Variants in LUZP2 observed in about 807,000 individuals in gnomAD.
LUZP2 encodes the protein leucine zipper protein 2.
Under a neutral mutation model 51.6 loss-of-function variants are expected in LUZP2, and 52 were observed. The ratio of observed to expected loss-of-function variants is 1.01; its 90% CI spans 0.81 to 1.27. The LOEUF (loss-of-function observed/expected upper bound fraction) is 1.27. LUZP2 is among the 50% of genes most tolerant of loss of function. LUZP2 has a pLI of 0.00. For synonymous variants in LUZP2, 154 were observed against 137.3 expected (o/e 1.12, Z -0.85); for missense variants, 436 against 395.4 (o/e 1.10, Z -0.87).
chr11:24,634,970 G>A (rs1855031567), intron 1 of LUZP2, among the ~76,000 whole-genome samples: 1 of 152,026 alleles, frequency 6.6e-6, no homozygotes, highest in African/African-American at 2.4e-5. Flanking sequence ...TCTCTCATTT[G>A]ATCTCTGTTA....
chr11:24,513,878 G>A (rs1850385926), intron 1 of LUZP2, among the ~76,000 whole-genome samples: 1 of 152,224 alleles, frequency 6.6e-6, no homozygotes, highest in Non-Finnish European at 1.5e-5. Flanking sequence ...AAAGTTGACA[G>A]GCTGGGAAAA....
intron 3 of LUZP2, among the ~76,000 whole-genome samples, chr11:24,735,624 G>A (rs1858908499): frequency 6.6e-6 from 1 of 151,930 alleles, no homozygotes; most frequent in Non-Finnish European, 1.5e-5. Flanking sequence ...ATGCCTTTTT[G>A]TAGAGTGATT....
chr11:24,510,376 AT>A (rs766955178), intron 1 of LUZP2, among the ~76,000 whole-genome samples: 19 of 152,178 alleles, frequency 1.2e-4, no homozygotes, highest in Non-Finnish European at 2.2e-4. Context: ...TTGGTTCTAT[AT>A]TGTCTTGGGT....
At chr11:25,030,416 C>T (rs2133988818) in intron 9 of LUZP2, among the ~76,000 whole-genome samples, 1 of 152,192 alleles carries the variant, frequency 6.6e-6, no homozygotes, top group Middle Eastern at 3.4e-3. Flanking sequence ...CATATCTCTA[C>T]AAACATAGCC....
chr11:24,887,221 T>A (rs1215180069), intron 5 of LUZP2, among the ~76,000 whole-genome samples: 1 of 151,796 alleles, frequency 6.6e-6, no homozygotes, highest in Non-Finnish European at 1.5e-5. Context: ...TGTTTTGTTT[T>A]CAGATGGAAG....
intron 5 of LUZP2, among the ~76,000 whole-genome samples, chr11:24,775,837 T>A (rs1244726200): frequency 6.6e-6 from 1 of 152,190 alleles, no homozygotes; most frequent in Non-Finnish European, 1.5e-5. Flanking sequence ...CTTATGCCTT[T>A]GGTAAATATT....
intron 4 of LUZP2, among the ~76,000 whole-genome samples, chr11:24,752,278 T>G (rs1399902514): frequency 6.6e-6 from 1 of 152,188 alleles, no homozygotes; most frequent in Non-Finnish European, 1.5e-5. Context: ...ATCAGATAGA[T>G]ATCAGACTTC....
At chr11:24,779,218 C>A (rs559548625) in intron 5 of LUZP2, among the ~76,000 whole-genome samples, 64 of 152,164 alleles carry the variant, frequency 4.2e-4, no homozygotes, top group Non-Finnish European at 8.2e-4. Context: ...TTATTTCTAG[C>A]AAATATGCAC....
chr11:24,558,052 G>A (rs12797112), intron 1 of LUZP2, among the ~76,000 whole-genome samples: 28,638 of 151,968 alleles, frequency 0.19, 3,362 homozygotes, highest in Middle Eastern at 0.34. Flanking sequence ...CAAACAGCTG[G>A]GAGTCAAGAG....
At position 24,692,403 on chromosome 11, in the gene LUZP2, C is replaced by T. The variant is rs904244260; in HGVS notation, c.63-36766C>T. On this transcript the variant is annotated intron_variant, in intron 1 of 11. Coordinates refer to ENST00000336930, the MANE Select transcript of LUZP2 (RefSeq NM_001009909.4). ...GTAAAAACAAGGAAAGTAGTAAAGG[C>T]TATTCTAAGAATATACGGTCTTTTT... 4.5e-4 allele frequency among the ~76,000 whole-genome samples: 68 copies of T among 152,004 alleles called. 1 individual carries two copies. The highest frequency in any genetic ancestry group is 1.9e-4 in the Non-Finnish European group (13 of 67,940).
At chr11:24,615,993 T>C (rs1452238413) in intron 1 of LUZP2, among the ~76,000 whole-genome samples, 1 of 151,750 alleles carries the variant, frequency 6.6e-6, no homozygotes, top group East Asian at 1.9e-4. Flanking sequence ...CTTTCTTCTG[T>C]GCATTTCCTA....
At chr11:24,832,660 T>C (rs60080477) in intron 5 of LUZP2, among the ~76,000 whole-genome samples, 24,586 of 151,606 alleles carry the variant, frequency 0.16, 2,055 homozygotes, top group South Asian at 0.22. Context: ...ATTTTATATA[T>C]ACATATATAT....
intron 2 of LUZP2, among the ~76,000 whole-genome samples, chr11:24,730,548 A>C (rs1374328905): frequency 6.6e-6 from 1 of 151,842 alleles, no homozygotes. Flanking sequence ...GTACAGATTG[A>C]TTTCTAGTGA....
chr11:24,693,710 T>C (rs541045567), intron 1 of LUZP2, among the ~76,000 whole-genome samples: 4 of 152,108 alleles, frequency 2.6e-5, no homozygotes, highest in Non-Finnish European at 4.4e-5. Flanking sequence ...GTATAGAACT[T>C]ACCAAAGAAA....
intron 10 of LUZP2, among the ~76,000 whole-genome samples, chr11:25,074,962 G>T (rs1859258821): frequency 6.6e-6 from 1 of 152,130 alleles, no homozygotes. Flanking sequence ...CTTACCAAGT[G>T]CATTTTGGGA....
At chr11:24,585,551 C>T (rs1408779091) in intron 1 of LUZP2, among the ~76,000 whole-genome samples, 11 of 151,966 alleles carry the variant, frequency 7.2e-5, no homozygotes, top group African/African-American at 2.4e-4. Context: ...ACTTATCACA[C>T]TCTGTTTTAA....
chr11:24,536,765 G>A (rs2133836551), intron 1 of LUZP2, among the ~76,000 whole-genome samples: 1 of 151,898 alleles, frequency 6.6e-6, no homozygotes, highest in Non-Finnish European at 1.5e-5. Flanking sequence ...CATTTCTTTT[G>A]CATTCACAAC....
intron 1 of LUZP2, among the ~76,000 whole-genome samples, chr11:24,519,139 G>T (rs1291789155): frequency 2.0e-5 from 3 of 152,136 alleles, no homozygotes; most frequent in African/African-American, 7.2e-5. Context: ...TGAGGGATTG[G>T]CTCTTTCACG....
chr11:24,810,971 G>A (rs1431610158), intron 5 of LUZP2, among the ~76,000 whole-genome samples: 2 of 152,208 alleles, frequency 1.3e-5, no homozygotes, highest in East Asian at 1.9e-4. Flanking sequence ...GTCCTCAACT[G>A]GGAGTTCATG....
Sources: allele counts gnomAD v4.1 joint callset (sites outside exome capture counted in the v4.1 genomes callset), GRCh38; gene constraint gnomAD v4.1.1; transcripts MANE v1.5; gene names NCBI Gene and HGNC (gene_info 2026-07-23, HGNC 2026-07-21).